Variants in ROBO2 observed in about 807,000 individuals in gnomAD.
ROBO2 encodes the protein roundabout guidance receptor 2.
In ROBO2, 53 loss-of-function variants were observed where a neutral mutation model predicts 160.8. The ratio of observed to expected loss-of-function variants is 0.33; its 90% confidence interval spans 0.26 to 0.41. The LOEUF (loss-of-function observed/expected upper bound fraction) is 0.41, where lower values mean the gene tolerates loss of function less well. ROBO2 is among the 10% of genes least tolerant of loss of function. The pLI is 1.00. For missense variants in ROBO2, 1,577 were observed against 1,722.4 expected (o/e 0.92, Z 1.49); for synonymous variants, 664 against 611.7 (o/e 1.09, Z -1.26).
intron 2 of ROBO2, among the ~76,000 whole-genome samples, chr3:76,619,215 C>T (rs1310619561): frequency 6.6e-6 from 1 of 151,560 alleles, no homozygotes; most frequent in East Asian, 1.9e-4. Flanking sequence ...TAGCGGGCGC[C>T]TGTAGTCCCA....
chr3:76,539,857 G>C (rs1293357632), intron 2 of ROBO2, among the ~76,000 whole-genome samples: 1 of 152,206 alleles, frequency 6.6e-6, no homozygotes, highest in Non-Finnish European at 1.5e-5. Context: ...GGTGAGAAAA[G>C]AGGAACATTT....
chr3:77,623,857 A>G (rs2094950679), intron 23 of ROBO2, among the ~76,000 whole-genome samples: 2 of 152,246 alleles, frequency 1.3e-5, no homozygotes, highest in African/African-American at 2.4e-5. Flanking sequence ...AAAAACAGTC[A>G]GCTATAGTCT....
chr3:76,047,304 G>A (rs2067483808), intron 2 of ROBO2, among the ~76,000 whole-genome samples: 1 of 152,140 alleles, frequency 6.6e-6, no homozygotes, highest in Non-Finnish European at 1.5e-5. Flanking sequence ...AATAGGGAGA[G>A]AGGAGATGAA....
At chr3:77,290,237 A>T (rs1421572082) in intron 2 of ROBO2, among the ~76,000 whole-genome samples, 1 of 147,772 alleles carries the variant, frequency 6.8e-6, no homozygotes, top group Non-Finnish European at 1.5e-5. Context: ...GACATAAAGT[A>T]AAATTGATGG....
chr3:76,798,256 G>GA (rs1560580420), intron 2 of ROBO2, among the ~76,000 whole-genome samples: 33 of 113,862 alleles, frequency 2.9e-4, no homozygotes, highest in South Asian at 9.0e-4. Context: ...AAGAAAGAAA[G>GA]AAGGAAAGAA....
At chr3:76,654,886 C>T (rs1457604920) in intron 2 of ROBO2, among the ~76,000 whole-genome samples, 3 of 139,040 alleles carry the variant, frequency 2.2e-5, no homozygotes, top group Non-Finnish European at 4.7e-5. Context: ...TGCGTATATA[C>T]ATATGCATGT....
chr3:76,445,421 T>G (rs2077128827), intron 2 of ROBO2, among the ~76,000 whole-genome samples: 1 of 152,238 alleles, frequency 6.6e-6, no homozygotes, highest in South Asian at 2.1e-4. Flanking sequence ...TTTTAGTAAA[T>G]ATTCTTTTTC....
intron 16 of ROBO2, among the ~76,000 whole-genome samples, chr3:77,584,178 C>T (rs1037502934): frequency 6.6e-6 from 1 of 152,130 alleles, no homozygotes; most frequent in Non-Finnish European, 1.5e-5. Context: ...TTTTAAGTCA[C>T]TCTGGCCTCC....
chr3:76,568,435 C>A (rs577480246), intron 2 of ROBO2, among the ~76,000 whole-genome samples: 1 of 150,808 alleles, frequency 6.6e-6, no homozygotes, highest in Non-Finnish European at 1.5e-5. Context: ...GTAGCTGGGA[C>A]CACAGGCGCT....
intron 2 of ROBO2, among the ~76,000 whole-genome samples, chr3:76,727,357 A>T (rs1247422126): frequency 6.6e-6 from 1 of 152,174 alleles, no homozygotes; most frequent in Non-Finnish European, 1.5e-5. Context: ...GGAAATATTT[A>T]AAAAGCCCTG....
chr3:76,363,800 T>C lies in ROBO2; in HGVS notation c.109+426198T>C, dbSNP rs1329196755. Among the ~76,000 whole-genome samples, 3 of 152,178 alleles carry C rather than the reference T, an allele frequency of 2.0e-5. No individual in the cohort carries two copies. In the East Asian group the frequency reaches 5.8e-4, roughly 30 times the overall value. On this transcript the variant is annotated intron_variant, in intron 2 of 26. Coordinates refer to the ROBO2 transcript ENST00000487694. ...GATGTTTTGAAAGTGCTTAAGAGTT[T>C]TTTTTTTAAATGTTTTATTTCTTAT...
At chr3:77,159,347 T>C (rs1039180268) in intron 2 of ROBO2, among the ~76,000 whole-genome samples, 2 of 152,174 alleles carry the variant, frequency 1.3e-5, no homozygotes, top group African/African-American at 4.8e-5. Context: ...AATCTGCTGG[T>C]ACTGTGCAAG....
At chr3:76,675,848 T>C (rs1014628167) in intron 2 of ROBO2, among the ~76,000 whole-genome samples, 1 of 152,178 alleles carries the variant, frequency 6.6e-6, no homozygotes, top group African/African-American at 2.4e-5. Context: ...CATGTTTGTT[T>C]CTGCATTTAT....
chr3:77,056,927 A>T (rs2065807531), intron 1 of ROBO2, among the ~76,000 whole-genome samples: 1 of 152,220 alleles, frequency 6.6e-6, no homozygotes, highest in Admixed American at 6.5e-5. Context: ...CCAAGTTCAT[A>T]GGAATGCCAT....
intron 23 of ROBO2, among the ~76,000 whole-genome samples, chr3:77,625,142 A>G (rs2094984416): frequency 6.6e-6 from 1 of 152,156 alleles, no homozygotes; most frequent in Non-Finnish European, 1.5e-5. Context: ...ATGATGTTCT[A>G]TGAGTGGAAA....
intron 2 of ROBO2, among the ~76,000 whole-genome samples, chr3:77,392,681 G>A (rs193112665): frequency 1.2e-3 from 186 of 152,280 alleles, no homozygotes; most frequent in African/African-American, 4.1e-3. Flanking sequence ...GTTCGAACAT[G>A]AGTCTGACCT....
At chr3:77,052,019 C>T (rs149583770) in intron 1 of ROBO2, among the ~76,000 whole-genome samples, 2 of 152,280 alleles carry the variant, frequency 1.3e-5, no homozygotes, top group African/African-American at 4.8e-5. Context: ...TGCAAAAGAA[C>T]ATGTGTCTGC....
In ROBO2 at chr3:77,403,123, T is replaced by C. The variant is rs538182646; in HGVS notation, c.389-74291T>C. On this transcript the variant is annotated intron_variant, in intron 2 of 25. Transcript: ENST00000461745. ...TAATTATAACTGACAAAATTATGTA[T>C]TTGTGGTGTACCACATGTTTTAAAA... Among the ~76,000 whole-genome samples, 4 of 152,302 alleles carry C rather than the reference T, an allele frequency of 2.6e-5. No individual in the cohort carries two copies. In the South Asian group the frequency reaches 8.3e-4, roughly 32 times the overall value.
intron 2 of ROBO2, among the ~76,000 whole-genome samples, chr3:77,430,759 T>A (rs1049204283): frequency 6.6e-6 from 1 of 152,308 alleles, no homozygotes; most frequent in South Asian, 2.1e-4. Flanking sequence ...AATAAATTTC[T>A]GTTATTAATA....
Sources: allele counts gnomAD v4.1 joint callset (sites outside exome capture counted in the v4.1 genomes callset), GRCh38; gene constraint gnomAD v4.1.1; transcripts MANE v1.5; gene names NCBI Gene and HGNC (gene_info 2026-07-23, HGNC 2026-07-21).